Variants in ABCC1 observed in about 807,000 individuals in gnomAD.
The protein encoded by ABCC1 is ATP binding cassette subfamily C member 1 (ABCC1 blood group).
ABCC1 carries 83 observed loss-of-function variants against 172.9 expected under a neutral mutation model. The ratio of observed to expected loss-of-function variants is 0.48; its 90% CI spans 0.40 to 0.58. The LOEUF is 0.58. Ranked by LOEUF, ABCC1 falls within the 20% of genes least tolerant of loss-of-function variation. The pLI is 0.00. For synonymous variants in ABCC1, 937 were observed against 825.2 expected (o/e 1.14, Z -2.32); for missense variants, 1,817 against 2,002.7 (o/e 0.91, Z 1.77).
chr16:16,047,435 G>T (rs2049256476), intron 9 of ABCC1, among the ~76,000 whole-genome samples: 1 of 152,098 alleles, frequency 6.6e-6, no homozygotes, highest in African/African-American at 2.4e-5. Context: ...GGGCCCAGAG[G>T]CATGCATCAC....
At chr16:16,019,132 C>A (rs1230760075) in intron 5 of ABCC1, among the ~76,000 whole-genome samples, 1 of 151,918 alleles carries the variant, frequency 6.6e-6, no homozygotes, top group African/African-American at 2.4e-5. Context: ...TAGACGGATT[C>A]TTGCTCTTGT....
chr16:16,060,005 T>TA (rs771610837), intron 12 of ABCC1, among the ~76,000 whole-genome samples: 49 of 151,330 alleles, frequency 3.2e-4, no homozygotes, highest in Admixed American at 7.3e-4. Context: ...TCAAAAAAAA[T>TA]AAAAAAAATG....
intron 29 of ABCC1, among the ~76,000 whole-genome samples, chr16:16,137,854 T>A (rs1288249493): frequency 6.7e-6 from 1 of 149,878 alleles, no homozygotes; most frequent in Non-Finnish European, 1.5e-5. Flanking sequence ...TGCCCGGCTC[T>A]TATTTTTTTT....
At chr16:15,980,188 C>T (rs1281291155) in intron 1 of ABCC1, among the ~76,000 whole-genome samples, 3 of 152,180 alleles carry the variant, frequency 2.0e-5, no homozygotes, top group East Asian at 3.9e-4. Context: ...GGCCCAGGGG[C>T]AAATAGTCTT....
At chr16:15,983,122 G>A (rs80075959) in intron 1 of ABCC1, among the ~76,000 whole-genome samples, 592 of 152,288 alleles carry the variant, frequency 3.9e-3, no homozygotes, top group Non-Finnish European at 7.1e-3. Flanking sequence ...TGGGGGATCA[G>A]GGTGTTTGAG....
chr16:16,037,700 T>C (rs2048810852), intron 7 of ABCC1, among the ~76,000 whole-genome samples: 1 of 152,122 alleles, frequency 6.6e-6, no homozygotes, highest in Admixed American at 6.6e-5. Flanking sequence ...CACAGACCCA[T>C]TGGCCTTACA....
chr16:16,132,364 G>A lies in ABCC1; in HGVS notation c.3966+429G>A, dbSNP rs1289405576. 7.3e-5 allele frequency among the ~76,000 whole-genome samples: 11 copies of A among 150,764 alleles called. No individual in the cohort carries two copies. The South Asian group carries it at 1.5e-3, about 20-fold the overall frequency. ...ATTTTTGTATTTTTTGTAGAGATGGGGGTCCTACTATGTTGTCCAGGCTGA... is the reference window on the plus strand; with the variant it reads ...ATTTTTGTATTTTTTGTAGAGATGGAGGTCCTACTATGTTGTCCAGGCTGA... On this transcript the variant is annotated intron_variant, in intron 27 of 30. Transcript: ENST00000399410.
chr16:16,068,606 A>C (rs973669628), intron 13 of ABCC1, among the ~76,000 whole-genome samples: 1 of 152,098 alleles, frequency 6.6e-6, no homozygotes, highest in East Asian at 1.9e-4. Context: ...CGCCATTCCT[A>C]TCCTTTTTTT....
intron 19 of ABCC1, among the ~76,000 whole-genome samples, chr16:16,093,525 T>C (rs2051338356): frequency 6.6e-6 from 1 of 152,180 alleles, no homozygotes; most frequent in Admixed American, 6.5e-5. Flanking sequence ...CCTCGTGCGT[T>C]CATTTTCCCA....
intron 7 of ABCC1, among the ~76,000 whole-genome samples, chr16:16,041,075 G>A (rs1009862483): frequency 4.0e-5 from 6 of 150,746 alleles, no homozygotes; most frequent in African/African-American, 1.5e-4. Context: ...CTACAGGCAC[G>A]TGCCACCACA....
At chr16:16,007,439 G>C (rs967860459) in intron 1 of ABCC1, among the ~76,000 whole-genome samples, 1 of 152,134 alleles carries the variant, frequency 6.6e-6, no homozygotes, top group Admixed American at 6.5e-5. Context: ...TGCCTAGGCT[G>C]GTCTCGAACT....
chr16:16,129,051 C>T (rs1007657675), intron 26 of ABCC1, among the ~76,000 whole-genome samples: 1 of 152,184 alleles, frequency 6.6e-6, no homozygotes, highest in Non-Finnish European at 1.5e-5. Context: ...TTCCTGTTCG[C>T]CCCGTTCCTC....
At chr16:16,139,266 A>T (rs2046034588) in intron 30 of ABCC1, among the ~76,000 whole-genome samples, 1 of 152,156 alleles carries the variant, frequency 6.6e-6, no homozygotes, top group African/African-American at 2.4e-5. Context: ...TTTCCATTGA[A>T]CACTGCAGGC....
Position 15,962,409 on chromosome 16 carries a change from A to G in ABCC1, c.48+12610A>G, listed in dbSNP as rs897820212. The stretch of plus-strand genomic sequence containing the variant: ...TTGCAGAGTTTTCTGATCACAAGTG[A>G]CATGTGTTCCATATGACAGAACAAA... On this transcript the variant is annotated intron_variant, in intron 1 of 30. Coordinates refer to ENST00000399410, the MANE Select transcript of ABCC1 (RefSeq NM_004996.4). Among the ~76,000 whole-genome samples, 16 of 152,342 alleles carry G rather than the reference A, an allele frequency of 1.1e-4. No homozygotes were observed. The South Asian group carries it at 1.7e-3, about 16-fold the overall frequency.
chr16:15,991,146 T>A (rs922016745), intron 1 of ABCC1, among the ~76,000 whole-genome samples: 5 of 152,144 alleles, frequency 3.3e-5, no homozygotes, highest in African/African-American at 1.2e-4. Flanking sequence ...GATTAGGAGA[T>A]CACTGCTGTC....
At chr16:15,973,261 T>C (rs1362975349) in intron 1 of ABCC1, among the ~76,000 whole-genome samples, 1 of 152,134 alleles carries the variant, frequency 6.6e-6, no homozygotes, top group Non-Finnish European at 1.5e-5. Context: ...AAAAAGATAT[T>C]CTTTAAATCG....
chr16:16,061,979 C>T (rs2049936133), intron 12 of ABCC1, among the ~76,000 whole-genome samples: 1 of 151,990 alleles, frequency 6.6e-6, no homozygotes, highest in Non-Finnish European at 1.5e-5. Flanking sequence ...CACTTTGTTG[C>T]CCAGGATGTT....
In ABCC1 at chr16:15,956,018, C is replaced by T. The variant is rs367800716; in HGVS notation, c.48+6219C>T. Among the ~76,000 whole-genome samples the T allele has an allele frequency of 7.8e-4, 119 of 152,236 alleles. 3 individuals are homozygous for T. The highest frequency in any genetic ancestry group is 2.6e-3 in the African/African-American group (106 of 41,548). On this transcript the variant is annotated intron_variant, in intron 1 of 30. Transcript: ENST00000399410. Reference sequence around the variant, plus strand: ...ATCTCAGCACTTTGGGAGGCCGAGGCAGGTGGATTACCTGAGGTCAGGAGT... The same window carrying T: ...ATCTCAGCACTTTGGGAGGCCGAGGTAGGTGGATTACCTGAGGTCAGGAGT...
chr16:15,968,331 G>C (rs914697939), intron 1 of ABCC1, among the ~76,000 whole-genome samples: 1 of 152,096 alleles, frequency 6.6e-6, no homozygotes, highest in African/African-American at 2.4e-5. Flanking sequence ...ACCATGGCCA[G>C]CCTCTTCTAG....
Sources: allele counts gnomAD v4.1 joint callset (sites outside exome capture counted in the v4.1 genomes callset), GRCh38; gene constraint gnomAD v4.1.1; transcripts MANE v1.5; gene names NCBI Gene and HGNC (gene_info 2026-07-23, HGNC 2026-07-21).